Variants in SLC7A4 observed in about 807,000 individuals in gnomAD.
SLC7A4 encodes solute carrier family 7 member 4, also known as cationic amino acid transporter 4.
SLC7A4 carries 30 observed loss-of-function variants against 37.8 expected under a neutral mutation model. The observed-to-expected ratio is 0.79, with a 90% confidence interval of 0.59 to 1.08. The LOEUF is 1.08. Ranked by LOEUF, SLC7A4 falls within the 50% of genes least tolerant of loss-of-function variation. The pLI is 0.00. For missense variants in SLC7A4, 839 were observed against 843.2 expected, an observed-to-expected ratio of 1.00 and a Z score of 0.06; for synonymous variants, 359 against 376.5, an observed-to-expected ratio of 0.95 and a Z score of 0.54.
At chr22:21,032,081 C>A (rs1928907014) in intron 1 of SLC7A4, among the ~76,000 whole-genome samples, 1 of 152,192 alleles carries the variant, frequency 6.6e-6, no homozygotes, top group Non-Finnish European at 1.5e-5. Context: ...CAAAGGAGGC[C>A]TGGTGAGGCC....
chr22:21,031,725 C>T lies in SLC7A4; in HGVS notation c.88G>A (p.Glu30Lys). The T allele has an allele frequency of 6.2e-7, 1 of 1,610,278 alleles. No homozygotes were observed. The highest frequency in any genetic ancestry group is 8.5e-7 in the Non-Finnish European group (1 of 1,178,198). ...RLKPLEDSTM[E>K]TSLRRCLSTL... ...GACAGGCAGCGCCGCAGTGACGTCT[C>T]CATGGTGGAGTCCTCCAGCGGCTTC... The change falls in exon 2 of 5, where the codon GAG becomes AAG. Residue 30 changes from glutamate to lysine, a missense_variant. Transcript: ENST00000382932.
In SLC7A4 at chr22:21,029,728, G is replaced by C; in HGVS notation, c.1606C>G (p.Arg536Gly). 1 of 1,612,370 alleles carries C rather than the reference G, an allele frequency of 6.2e-7. No individual in the cohort carries two copies. Among genetic ancestry groups the C allele is most frequent in the Non-Finnish European group, 8.5e-7 (1 of 1,179,620 alleles). ...LVLGAHQQQY[R>G]EDLFQIPMVP... ...GGAGGTACCTGAAATAAGTCTTCCCGATACTGTTGCTGGTGAGCCCCCAGG... is the reference window on the plus strand; with the variant it reads ...GGAGGTACCTGAAATAAGTCTTCCCCATACTGTTGCTGGTGAGCCCCCAGG... Residue 536 changes from arginine (R) to glycine (G), a missense_variant, in exon 3 of 5, where the codon CGG becomes GGG. Arg to Gly is a moderately radical substitution (Grantham distance 125). Transcript: ENST00000382932.
chr22:21,030,400 G>C (rs775298671), intron 2 of SLC7A4, 49 bp from the exon 3 acceptor site: 4 of 1,548,328 alleles, frequency 2.6e-6, no homozygotes. Flanking sequence ...AAGCCCACCA[G>C]GGGCCTCTGC....
At position 21,029,778 on chromosome 22, in the gene SLC7A4, A is replaced by C. The variant is rs1314886474; in HGVS notation, c.1556T>G (p.Val519Gly). The C allele has an allele frequency of 6.2e-7, 1 of 1,613,392 alleles. No homozygotes were observed. Among genetic ancestry groups the C allele is most frequent in the South Asian group, 1.1e-5 (1 of 91,082 alleles). Residue 519 changes from valine to glycine, a missense_variant, in exon 3 of 5, where the codon GTC (valine) becomes GGC (glycine). Val to Gly is a moderately radical substitution (Grantham distance 109, BLOSUM62 -3). Coordinates refer to ENST00000382932, the MANE Select transcript of SLC7A4 (RefSeq NM_004173.3). ...GYILLLLLTS[V>G]MFLLSLLVLG... ...GACAAGGAGGCTGAGCAGAAACATG[A>C]CACTGGTGAGCAGGAGCAGCAGGAT... is the stretch of plus-strand genomic sequence containing the variant.
rs758092768 is a variant in SLC7A4, at chr22:21,031,755, G to A, written c.58C>T (p.Arg20Cys). The A allele has an allele frequency of 3.8e-6, 6 of 1,576,638 alleles. No homozygotes were observed. Among genetic ancestry groups the A allele is most frequent in the South Asian group, 3.5e-5 (3 of 86,318 alleles). ...SLARLCQKLN[R>C]LKPLEDSTME... ...GTGGAGTCCTCCAGCGGCTTCAGGCGGTTCAGCTTCTGGCATAAGCGTGCC... is the reference window on the plus strand; with the variant it reads ...GTGGAGTCCTCCAGCGGCTTCAGGCAGTTCAGCTTCTGGCATAAGCGTGCC... Residue 20 changes from arginine (R) to cysteine (C), a missense_variant, in exon 2 of 5, where the codon CGC (arginine) becomes TGC (cysteine). By Grantham distance (180) the Arg-to-Cys change is radical. Transcript: ENST00000382932.
At position 21,031,246 on chromosome 22, in the gene SLC7A4, G is replaced by A. The variant is rs547547218; in HGVS notation, c.567C>T (p.Arg189=). ...AGGTGTGATTGAGCCAGGAGGACACGCGGGCTCCACAGGAGACAAAGGCAG... is the reference window on the plus strand; with the variant it reads ...AGGTGTGATTGAGCCAGGAGGACACACGGGCTCCACAGGAGACAAAGGCAG... ...LASAFVSCGA[R]VSSWLNHTFS... The change falls in exon 2 of 5, where the codon CGC becomes CGT. Residue 189 remains arginine (R), a synonymous_variant. Coordinates refer to ENST00000382932, the MANE Select transcript of SLC7A4 (RefSeq NM_004173.3). 5.6e-6 allele frequency: 9 copies of A among 1,613,500 alleles called. No individual in the cohort carries two copies. Among genetic ancestry groups the A allele is most frequent in the Admixed American group, 1.7e-5 (1 of 60,010 alleles).
In SLC7A4 at chr22:21,031,309, G is replaced by A. The variant is rs765894121; in HGVS notation, c.504C>T (p.Tyr168=). 7 of 1,609,764 alleles carry A rather than the reference G, an allele frequency of 4.3e-6. No homozygotes were observed. In the East Asian group the frequency reaches 1.1e-4, roughly 26 times the overall value. The part of the protein sequence containing the change: ...GSWQVPLLGH[Y]PDFLAAGIIL... ...TGATGCCAGCAGCCAGGAAGTCCGG[G>A]TAGTGGCCCAGGAGGGGCACCTGCC... is the stretch of plus-strand genomic sequence containing the variant. The change falls in exon 2 of 5, where the codon TAC becomes TAT. Residue 168 remains tyrosine (Y), a synonymous_variant. Transcript: ENST00000382932.
At chr22:21,030,593 A>G (rs1217091795) in intron 2 of SLC7A4, among the ~76,000 whole-genome samples, 1 of 152,146 alleles carries the variant, frequency 6.6e-6, no homozygotes, top group Non-Finnish European at 1.5e-5. Flanking sequence ...CTGCCTAGGA[A>G]ATAATCTATA....
Position 21,030,143 on chromosome 22 carries a change from G to A in SLC7A4, c.1191C>T (p.Gly397=). Residue 397 remains glycine, a synonymous_variant, in exon 3 of 5, where the codon GGC becomes GGT. Transcript: ENST00000382932. ...LESLVQFLSL[G]TLLAYTFVAT... Reference sequence around the variant, plus strand: ...CCACGAATGTGTAGGCCAGGAGTGTGCCAAGGGACAGGAACTGAACCAGCG... The same window carrying A: ...CCACGAATGTGTAGGCCAGGAGTGTACCAAGGGACAGGAACTGAACCAGCG... The A allele has an allele frequency of 6.2e-7, 1 of 1,613,922 alleles. No homozygotes were observed.
At position 21,030,832 on chromosome 22, in the gene SLC7A4, G is replaced by T; in HGVS notation, c.981C>A (p.Cys327Ter). The T allele has an allele frequency of 6.3e-6, 10 of 1,575,912 alleles. No homozygotes were observed. The highest frequency in any genetic ancestry group is 8.6e-6 in the Non-Finnish European group (10 of 1,161,178). The change falls in exon 2 of 5, where the codon TGC becomes TGA. Residue 327 changes from cysteine to a stop codon, truncating the protein, a stop_gained and splice_region_variant. Transcript: ENST00000382932. LOFTEE classifies it high-confidence loss of function. ...CCCTGCCCAGGAAGAGTCTCTCACC[G>T]CAGATGGAGCCAGCTGCCACGATGA... ...AGFIVAAGSI[C>*]AMNTVLLSLL...
intron 1 of SLC7A4, among the ~76,000 whole-genome samples, 183 bp downstream of exon 1, chr22:21,032,348 G>T (rs1276997007): frequency 1.3e-5 from 2 of 152,168 alleles, no homozygotes; most frequent in African/African-American, 2.4e-5. Context: ...GCCAGGCTGG[G>T]GTATCCGCGC....
chr22:21,029,351 T>G lies in SLC7A4; in HGVS notation c.1717A>C (p.Ile573Leu). The change falls in exon 4 of 5, where the codon ATC becomes CTC. Residue 573 changes from isoleucine to leucine, a missense_variant. Physicochemically the swap from Ile to Leu is conservative, Grantham distance 5. Coordinates refer to ENST00000382932, the MANE Select transcript of SLC7A4 (RefSeq NM_004173.3). The stretch of plus-strand genomic sequence containing the variant: ...CCCCACTCACCCATCAGCAGCCAGA[T>G]GGAGAAGCGCACCCAGGTCAGATAG... ...LSYLTWVRFS[I>L]WLLMGLAVYF... The G allele has an allele frequency of 6.2e-7, 1 of 1,613,622 alleles. No individual in the cohort carries two copies. Among genetic ancestry groups the G allele is most frequent in the East Asian group, 2.2e-5 (1 of 44,884 alleles).
At position 21,029,800 on chromosome 22, in the gene SLC7A4, G is replaced by A. The variant is rs776006409; in HGVS notation, c.1534C>T (p.Leu512=). ...ATGACACTGGTGAGCAGGAGCAGCAGGATGTAACCCCAGTGTGGGAGGTGC... is the reference window on the plus strand; with the variant it reads ...ATGACACTGGTGAGCAGGAGCAGCAAGATGTAACCCCAGTGTGGGAGGTGC... The part of the protein sequence containing the change: ...TLHLPHWGYI[L]LLLLTSVMFL... The change falls in exon 3 of 5, where the codon CTG becomes TTG. Residue 512 remains leucine (L), a synonymous_variant. Transcript: ENST00000382932. The A allele has an allele frequency of 6.2e-7, 1 of 1,613,606 alleles. No homozygotes were observed. The highest frequency in any genetic ancestry group is 1.1e-5 in the South Asian group (1 of 91,090).
rs769791686 is a variant in SLC7A4, at chr22:21,029,374, T to G, written c.1694A>C (p.Tyr565Ser). 7 of 1,613,750 alleles carry G rather than the reference T, an allele frequency of 4.3e-6. No individual in the cohort carries two copies. In the East Asian group the frequency reaches 1.6e-4, roughly 36 times the overall value. ...GATGGAGAAGCGCACCCAGGTCAGA[T>G]AGCTAAGTTTCAGCATGAGGCAGAT... The part of the protein sequence containing the change: ...LNICLMLKLS[Y>S]LTWVRFSIWL... The change falls in exon 4 of 5, where the codon TAT (tyrosine) becomes TCT (serine). Residue 565 changes from tyrosine (Y) to serine (S), a missense_variant. By Grantham distance (144) the Tyr-to-Ser change is moderately radical. Coordinates refer to ENST00000382932, the MANE Select transcript of SLC7A4 (RefSeq NM_004173.3).
intron 2 of SLC7A4, among the ~76,000 whole-genome samples, chr22:21,030,563 C>T (rs901212915): frequency 5.3e-5 from 8 of 152,124 alleles, no homozygotes; most frequent in Admixed American, 3.3e-4. Flanking sequence ...ACTGGAGCAT[C>T]GGATGAGGGC....
In SLC7A4 at chr22:21,031,760, A is replaced by G. The variant is rs751225889; in HGVS notation, c.53T>C (p.Leu18Pro). The change falls in exon 2 of 5, where the codon CTG (leucine) becomes CCG (proline). Residue 18 changes from leucine (L) to proline (P), a missense_variant. Leu to Pro is a moderately conservative substitution (Grantham distance 98, BLOSUM62 -3). Coordinates refer to ENST00000382932, the MANE Select transcript of SLC7A4 (RefSeq NM_004173.3). ...GTCCTCCAGCGGCTTCAGGCGGTTCAGCTTCTGGCATAAGCGTGCCAGGCT... is the reference window on the plus strand; with the variant it reads ...GTCCTCCAGCGGCTTCAGGCGGTTCGGCTTCTGGCATAAGCGTGCCAGGCT... ...IASLARLCQK[L>P]NRLKPLEDST... 6.4e-7 allele frequency: 1 copy of G among 1,570,440 alleles called. No homozygotes were observed.
chr22:21,029,153 G>A lies in SLC7A4; in HGVS notation c.1810C>T (p.His604Tyr), dbSNP rs775739310. The A allele has an allele frequency of 5.6e-6, 9 of 1,613,884 alleles. No homozygotes were observed. The highest frequency in any genetic ancestry group is 1.1e-5 in the South Asian group (1 of 91,088). ...QRELPGLNST[H>Y]YVVFPRGSLE... ...CTGCCCCTGGGGAATACCACGTAGT[G>A]TGTGGAGTTCAGCCCTGGCAGCTCC... The change falls in exon 5 of 5, where the codon CAC becomes TAC. Residue 604 changes from histidine (H) to tyrosine (Y), a missense_variant. His to Tyr is a moderately conservative substitution (Grantham distance 83). Transcript: ENST00000382932.
In SLC7A4 at chr22:21,030,337, G is replaced by C. The variant is rs757796558; in HGVS notation, c.997C>G (p.Leu333Val). Residue 333 changes from leucine (L) to valine (V), a missense_variant, in exon 3 of 5, where the codon CTG (leucine) becomes GTG (valine). Physicochemically the swap from Leu to Val is conservative, Grantham distance 32. Transcript: ENST00000382932. ...GGCAGGGAGAAGAGGAGGCTGAGCA[G>C]GACGGTGTTCATGGCTGTAGCAGAG... ...AGSICAMNTV[L>V]LSLLFSLPRI... is the part of the protein sequence containing the mutation. 1.2e-6 allele frequency: 2 copies of C among 1,606,712 alleles called. No individual in the cohort carries two copies. Among genetic ancestry groups the C allele is most frequent in the Admixed American group, 1.7e-5 (1 of 59,786 alleles).
rs1569186741 is a variant in SLC7A4 at position 21,031,594 on chromosome 22, CAA to C, written c.217_218del (p.Leu73ValfsTer81). On this transcript the variant is annotated frameshift_variant, in exon 2 of 5. Transcript: ENST00000382932. LOFTEE classifies it high-confidence loss of function. ...AKEVAGPAVL[L>X]SFGVAAVASL... ...AGGCCACAGCGGCCACACCGAAGGA[CAA>C]GAGCACAGCAGGGCCAGCCACCTCC... 2.5e-6 allele frequency: 4 copies of C among 1,607,262 alleles called. 1 individual carries two copies. The highest frequency in any genetic ancestry group is 2.2e-5 in the South Asian group (2 of 90,380).
Sources: allele counts gnomAD v4.1 joint callset (sites outside exome capture counted in the v4.1 genomes callset), GRCh38; gene constraint gnomAD v4.1.1; transcripts MANE v1.5; gene names NCBI Gene and HGNC (gene_info 2026-07-23, HGNC 2026-07-21).